The following ZMAT4 variants were observed in gnomAD, a reference collection of about 807,000 sequenced individuals.
The protein encoded by ZMAT4 is zinc finger matrin-type protein 4.
In ZMAT4, 17 loss-of-function variants were observed where a neutral mutation model predicts 28.7. The observed-to-expected ratio is 0.59, with a 90% CI of 0.41 to 0.89. The LOEUF is 0.89. Ranked by LOEUF, ZMAT4 falls within the 40% of genes least tolerant of loss-of-function variation. The pLI is 0.00. For missense variants in ZMAT4, 240 were observed against 283.8 expected (o/e 0.85, Z 1.11); for synonymous variants, 117 against 109.2 (o/e 1.07, Z -0.44).
At chr8:40,725,784 AAG>A (rs1182990422) in intron 3 of ZMAT4, among the ~76,000 whole-genome samples, 1 of 152,188 alleles carries the variant, frequency 6.6e-6, no homozygotes, top group African/African-American at 2.4e-5. Flanking sequence ...AAAAGAAAAA[AAG>A]AAAAAACAAT....
chr8:40,862,180 T>A (rs373104023), intron 1 of ZMAT4, among the ~76,000 whole-genome samples: 2 of 152,056 alleles, frequency 1.3e-5, no homozygotes, highest in Non-Finnish European at 2.9e-5. Context: ...CAAATGTCCA[T>A]CAATGATAGA....
chr8:40,894,742 C>T (rs1219746671), intron 1 of ZMAT4, among the ~76,000 whole-genome samples: 7 of 151,962 alleles, frequency 4.6e-5, no homozygotes, highest in African/African-American at 1.5e-4. Flanking sequence ...GACACACCTT[C>T]CCCTAGGACA....
intron 3 of ZMAT4, among the ~76,000 whole-genome samples, chr8:40,766,201 T>A (rs1399473775): frequency 6.6e-6 from 1 of 152,228 alleles, no homozygotes; most frequent in African/African-American, 2.4e-5. Context: ...GTCTCCATGT[T>A]TCTTTGTGCA....
At chr8:40,624,838 A>T (rs908246357) in intron 5 of ZMAT4, among the ~76,000 whole-genome samples, 1 of 152,254 alleles carries the variant, frequency 6.6e-6, no homozygotes. Context: ...CCAGGCACTG[A>T]TCCAGCCACT....
intron 3 of ZMAT4, among the ~76,000 whole-genome samples, chr8:40,765,357 A>C (rs1463499734): frequency 6.6e-6 from 1 of 152,186 alleles, no homozygotes; most frequent in Non-Finnish European, 1.5e-5. Flanking sequence ...CAATAGATCA[A>C]AATGCATAGC....
At chr8:40,729,043 C>T (rs1811423258) in intron 3 of ZMAT4, among the ~76,000 whole-genome samples, 1 of 152,204 alleles carries the variant, frequency 6.6e-6, no homozygotes, top group South Asian at 2.1e-4. Flanking sequence ...GAACAGTATT[C>T]TAATGCATGA....
intron 1 of ZMAT4, among the ~76,000 whole-genome samples, chr8:40,869,201 C>T (rs754486360): frequency 2.6e-5 from 4 of 152,200 alleles, no homozygotes; most frequent in Non-Finnish European, 5.9e-5. Context: ...AAGATCCAGA[C>T]AACCTTCATC....
At chr8:40,819,246 C>T (rs1231755428) in intron 2 of ZMAT4, among the ~76,000 whole-genome samples, 1 of 152,150 alleles carries the variant, frequency 6.6e-6, no homozygotes, top group Non-Finnish European at 1.5e-5. Context: ...TTCACCAGTA[C>T]TGATATTCAC....
intron 2 of ZMAT4, among the ~76,000 whole-genome samples, chr8:40,808,339 C>A (rs1815174166): frequency 6.6e-6 from 1 of 151,684 alleles, no homozygotes; most frequent in African/African-American, 2.4e-5. Flanking sequence ...TGTTACAGCA[C>A]TTTGCAAAGA....
chr8:40,786,762 C>T (rs1387734296), intron 2 of ZMAT4: 1 of 1,288,746 alleles, frequency 7.8e-7, no homozygotes, highest in Non-Finnish European at 1.0e-6. Flanking sequence ...TGAAATTCCC[C>T]TTCCTCAAGA....
intron 2 of ZMAT4, among the ~76,000 whole-genome samples, chr8:40,818,712 G>A (rs776248794): frequency 2.0e-5 from 3 of 152,190 alleles, no homozygotes; most frequent in Non-Finnish European, 4.4e-5. Flanking sequence ...AGCAGGCCCC[G>A]ACAGTACTCA....
intron 5 of ZMAT4, among the ~76,000 whole-genome samples, chr8:40,613,309 A>G (rs754732936): frequency 2.7e-5 from 4 of 146,074 alleles, no homozygotes; most frequent in African/African-American, 5.1e-5. Context: ...CAGTCGTTTG[A>G]GTAGCTGGGA....
At chr8:40,780,775 A>G (rs910576722) in intron 2 of ZMAT4, among the ~76,000 whole-genome samples, 7 of 152,214 alleles carry the variant, frequency 4.6e-5, no homozygotes, top group Non-Finnish European at 7.3e-5. Flanking sequence ...CATTTATAGA[A>G]GGAAAGGCAA....
At chr8:40,643,562 C>G (rs1807151737) in intron 5 of ZMAT4, among the ~76,000 whole-genome samples, 1 of 152,018 alleles carries the variant, frequency 6.6e-6, no homozygotes, top group Non-Finnish European at 1.5e-5. Context: ...GATACAAGGT[C>G]TCTGCCATCA....
At chr8:40,817,209 C>T (rs145857911) in intron 2 of ZMAT4, among the ~76,000 whole-genome samples, 1 of 152,142 alleles carries the variant, frequency 6.6e-6, no homozygotes. Context: ...AAATCGGAAG[C>T]CTTTTTACAT....
chr8:40,594,896 C>G (rs774565189), intron 5 of ZMAT4, among the ~76,000 whole-genome samples: 7 of 152,072 alleles, frequency 4.6e-5, no homozygotes, highest in African/African-American at 1.7e-4. Flanking sequence ...AAAATTATCT[C>G]GAGTCTTCGT....
At chr8:40,807,492 G>C (rs905055532) in intron 2 of ZMAT4, among the ~76,000 whole-genome samples, 1 of 152,132 alleles carries the variant, frequency 6.6e-6, no homozygotes, top group Non-Finnish European at 1.5e-5. Flanking sequence ...TCAAATCTAA[G>C]TGGCTATGGA....
chr8:40,776,278 G>A (rs1273945418), intron 2 of ZMAT4, among the ~76,000 whole-genome samples: 2 of 152,168 alleles, frequency 1.3e-5, no homozygotes, highest in African/African-American at 4.8e-5. Flanking sequence ...AGCATTTAAA[G>A]TGAGGAACAC....
chr8:40,695,806 A>G (rs940293354), intron 4 of ZMAT4, among the ~76,000 whole-genome samples: 1 of 117,626 alleles, frequency 8.5e-6, no homozygotes, highest in Non-Finnish European at 1.7e-5. Flanking sequence ...TTTTTTTTGC[A>G]GAAAGAATAA....
Sources: gnomAD v4.1 joint callset for allele counts (sites outside exome capture counted in the v4.1 genomes callset) on GRCh38, gnomAD v4.1.1 for gene constraint, MANE v1.5 for transcripts, NCBI Gene and HGNC (gene_info 2026-07-23, HGNC 2026-07-21) for gene names.